Variants in SPATA13 observed in about 807,000 individuals in gnomAD.
SPATA13 encodes the protein spermatogenesis-associated protein 13.
In SPATA13, 50 loss-of-function variants were observed where a neutral mutation model predicts 104.0. The observed-to-expected ratio is 0.48, with a 90% CI of 0.38 to 0.61. The LOEUF is 0.61. Among genes scored for constraint, SPATA13 ranks in the 20% least tolerant of loss-of-function variants. The pLI is 0.00. For synonymous variants in SPATA13, 606 were observed against 667.5 expected (o/e 0.91, Z 1.42); for missense variants, 1,524 against 1,690.6 (o/e 0.90, Z 1.73).
At chr13:24,073,036 A>G (rs1879222005) in intron 3 of SPATA13, among the ~76,000 whole-genome samples, 1 of 151,884 alleles carries the variant, frequency 6.6e-6, no homozygotes. Flanking sequence ...GAATTTATAG[A>G]TTTTCATAGG....
chr13:24,128,709 A>C (rs926911302), intron 3 of SPATA13, among the ~76,000 whole-genome samples: 14 of 138,264 alleles, frequency 1.0e-4, no homozygotes, highest in Admixed American at 3.1e-4. Flanking sequence ...AGGAGAATTT[A>C]AACATAAAAA....
intron 2 of SPATA13, among the ~76,000 whole-genome samples, chr13:24,230,249 G>A (rs1261725881): frequency 2.0e-5 from 3 of 152,238 alleles, no homozygotes; most frequent in Non-Finnish European, 4.4e-5. Flanking sequence ...GTGAACAGAA[G>A]GGGTTGAAAC....
intron 1 of SPATA13, among the ~76,000 whole-genome samples, chr13:24,181,676 G>C (rs575115942): frequency 6.6e-6 from 1 of 151,618 alleles, no homozygotes; most frequent in Non-Finnish European, 1.5e-5. Context: ...GAAGTAACAC[G>C]CATAGAGCTG....
chr13:24,200,287 G>A (rs1213780793), intron 1 of SPATA13, among the ~76,000 whole-genome samples: 1 of 152,154 alleles, frequency 6.6e-6, no homozygotes, highest in East Asian at 1.9e-4. Flanking sequence ...TGATGCTTTA[G>A]TGGTTGGCAC....
chr13:23,985,365 A>G (rs1875101416), intron 2 of SPATA13, among the ~76,000 whole-genome samples: 1 of 152,348 alleles, frequency 6.6e-6, no homozygotes, highest in African/African-American at 2.4e-5. Flanking sequence ...TGGCGTGGCC[A>G]CCCCAGGAAC....
chr13:24,212,462 C>A (rs558899768), intron 1 of SPATA13, among the ~76,000 whole-genome samples: 1 of 152,124 alleles, frequency 6.6e-6, no homozygotes, highest in African/African-American at 2.4e-5. Flanking sequence ...ATGTAACCAC[C>A]CCAGGGGCAA....
At position 24,300,220 on chromosome 13, in the gene SPATA13, G is replaced by A. The variant is rs1485103138; in HGVS notation, c.3584-181G>A. On this transcript the variant is annotated intron_variant, in intron 11 of 12. Transcript: ENST00000382108. ...GCAGGACAATCACATGGCCACCTTG[G>A]CGATAATCCTTGTGACTTCCCCTTT... Among the ~76,000 whole-genome samples the A allele has an allele frequency of 4.6e-5, 7 of 152,138 alleles. No individual in the cohort carries two copies. In the East Asian group the frequency reaches 1.2e-3, roughly 25 times the overall value.
chr13:24,224,638 T>G (rs2138614726), intron 2 of SPATA13, 56 bp downstream of exon 2: 1 of 1,521,960 alleles, frequency 6.6e-7, no homozygotes, highest in East Asian at 2.4e-5. Context: ...GAAGGGAGCT[T>G]GCACAGGTGT....
intron 3 of SPATA13, among the ~76,000 whole-genome samples, chr13:24,083,069 G>C (rs1879594758): frequency 6.6e-6 from 1 of 152,196 alleles, no homozygotes; most frequent in East Asian, 1.9e-4. Context: ...ACAGTTGAGG[G>C]TGAAAATTCA....
At chr13:24,099,472 G>A (rs923306629) in intron 3 of SPATA13, among the ~76,000 whole-genome samples, 2 of 152,248 alleles carry the variant, frequency 1.3e-5, no homozygotes, top group East Asian at 3.8e-4. Context: ...ACTAGTGGCC[G>A]CCCTGTGGGG....
chr13:24,204,089 C>T (rs1291121863), intron 1 of SPATA13, among the ~76,000 whole-genome samples: 1 of 152,132 alleles, frequency 6.6e-6, no homozygotes, highest in East Asian at 1.9e-4. Context: ...GGGAGTGTGG[C>T]TTCCTGAGAG....
In SPATA13 at chr13:24,173,362, T is replaced by TTGTGTGTG. The variant is rs60850610; in HGVS notation, c.-112+12463_-112+12470dup. ...GTGGAACTCACTCATTAGTTCTTAG[T>TTGTGTGTG]TGTGTGTGTGTGTGTGTGTGTGTGT... On this transcript the variant is annotated intron_variant, in intron 1 of 12. Transcript: ENST00000382108. Among the ~76,000 whole-genome samples the TTGTGTGTG allele has an allele frequency of 1.3e-3, 188 of 146,832 alleles. 2 individuals carry two copies. Among genetic ancestry groups the TTGTGTGTG allele is most frequent in the African/African-American group, 4.5e-3 (175 of 39,318 alleles).
At chr13:24,246,023 C>T (rs1279865383) in intron 2 of SPATA13, among the ~76,000 whole-genome samples, 1 of 152,156 alleles carries the variant, frequency 6.6e-6, no homozygotes, top group African/African-American at 2.4e-5. Flanking sequence ...TCTGTCACTG[C>T]CTGGAGTAGT....
chr13:24,225,578 G>A (rs1233951290), intron 2 of SPATA13, among the ~76,000 whole-genome samples: 1 of 152,200 alleles, frequency 6.6e-6, no homozygotes, highest in Non-Finnish European at 1.5e-5. Flanking sequence ...CCCCATTTGT[G>A]TTATATCTCC....
At chr13:24,238,021 C>A (rs1872657188) in intron 2 of SPATA13, among the ~76,000 whole-genome samples, 1 of 139,974 alleles carries the variant, frequency 7.1e-6, no homozygotes, top group Non-Finnish European at 1.5e-5. Flanking sequence ...TATATTTTAC[C>A]ACACACACAA....
chr13:23,994,885 C>T lies in SPATA13; in HGVS notation c.-147+10952C>T, dbSNP rs144375315. ...AGATTAAAAGTTAAAAGCATATCAG[C>T]ACACTGTTATGAAGCATTTGCTGTA... On this transcript the variant is annotated intron_variant, in intron 2 of 14. Coordinates refer to the SPATA13 transcript ENST00000424834. 3.5e-3 allele frequency among the ~76,000 whole-genome samples: 535 copies of T among 152,294 alleles called. 4 individuals are homozygous for T. The highest frequency in any genetic ancestry group is 0.012 in the African/African-American group (504 of 41,562).
At position 24,249,900 on chromosome 13, in the gene SPATA13, A is replaced by T. The variant is rs1041916261; in HGVS notation, c.2019+58A>T. 9 of 1,529,004 alleles carry T rather than the reference A, an allele frequency of 5.9e-6. No homozygotes were observed. In the Admixed American group the frequency reaches 1.9e-4, roughly 32 times the overall value. 94.7% of individuals were successfully genotyped at this position (1,529,004 alleles called of 1,614,324 possible). Reference sequence around the variant, plus strand: ...AGAGGCCCTCCAGCTTCCTGCCTCTATTCTGTCTGCACACTAAACTGGATC... The same window carrying T: ...AGAGGCCCTCCAGCTTCCTGCCTCTTTTCTGTCTGCACACTAAACTGGATC... On this transcript the variant is annotated intron_variant, in intron 3 of 12. Transcript: ENST00000382108.
At chr13:24,296,467 G>A (rs1459912682) in intron 10 of SPATA13, among the ~76,000 whole-genome samples, 3 of 152,216 alleles carry the variant, frequency 2.0e-5, no homozygotes, top group Non-Finnish European at 4.4e-5. Flanking sequence ...TTTGGACGCT[G>A]ACATTTAGGG....
rs574405240 is a variant in SPATA13 at position 24,291,551 on chromosome 13, T to C, written c.3080+667T>C. On this transcript the variant is annotated intron_variant, in intron 9 of 12. Coordinates refer to ENST00000382108, the MANE Select transcript of SPATA13 (RefSeq NM_001166271.3). ...GTTCCCTACCCACCGGGGTGCCGAC[T>C]CTCTGGTCTTCTCCCTGTTCCCTCC... Among the ~76,000 whole-genome samples, 9 of 152,278 alleles carry C rather than the reference T, an allele frequency of 5.9e-5. No individual in the cohort carries two copies. In the South Asian group the frequency reaches 1.7e-3, roughly 28 times the overall value.
Sources: allele counts gnomAD v4.1 joint callset (sites outside exome capture counted in the v4.1 genomes callset), GRCh38; gene constraint gnomAD v4.1.1; transcripts MANE v1.5; gene names NCBI Gene and HGNC (gene_info 2026-07-23, HGNC 2026-07-21).